Variants in BRMS1L observed in about 807,000 individuals in gnomAD.
BRMS1L encodes the protein breast cancer metastasis-suppressor 1-like protein.
Under a neutral mutation model 50.3 loss-of-function variants are expected in BRMS1L, and 23 were observed. That is an observed-to-expected ratio of 0.46 (90% CI 0.33 to 0.65). BRMS1L has a LOEUF of 0.65. Among genes scored for constraint, BRMS1L ranks in the 30% least tolerant of loss-of-function variants. BRMS1L has a pLI of 0.02. For missense variants in BRMS1L, 286 were observed against 386.1 expected (o/e 0.74, Z 2.17); for synonymous variants, 114 against 126.9 (o/e 0.90, Z 0.69).
intron 1 of BRMS1L, among the ~76,000 whole-genome samples, chr14:35,829,017 C>T (rs1348405433): frequency 3.3e-5 from 5 of 151,802 alleles, no homozygotes; most frequent in South Asian, 4.2e-4. Flanking sequence ...ACGATCTTGG[C>T]TCGCTGCAAC....
intron 3 of BRMS1L, among the ~76,000 whole-genome samples, chr14:35,834,086 G>T (rs1041143760): frequency 3.9e-5 from 6 of 152,142 alleles, no homozygotes; most frequent in Admixed American, 6.5e-5. Context: ...AGAGTAGTGT[G>T]TGTGAATGTG....
chr14:35,839,416 T>C (rs2078034015), intron 4 of BRMS1L, among the ~76,000 whole-genome samples: 1 of 152,196 alleles, frequency 6.6e-6, no homozygotes, highest in African/African-American at 2.4e-5. Flanking sequence ...AGAAAGTCAA[T>C]GGTAGCTTGA....
chr14:35,862,269 C>T (rs1566429136), intron 4 of BRMS1L, among the ~76,000 whole-genome samples: 1 of 151,900 alleles, frequency 6.6e-6, no homozygotes, highest in East Asian at 1.9e-4. Context: ...CAGATGGGAC[C>T]TACTTAAATT....
intron 9 of BRMS1L, among the ~76,000 whole-genome samples, chr14:35,869,583 C>A (rs1594353129): frequency 6.6e-6 from 1 of 152,064 alleles, no homozygotes; most frequent in East Asian, 1.9e-4. Context: ...TGCAGTGGCT[C>A]ACACCTGTAA....
chr14:35,827,917 G>A (rs757667593), intron 1 of BRMS1L, among the ~76,000 whole-genome samples: 9 of 152,220 alleles, frequency 5.9e-5, no homozygotes, highest in South Asian at 4.1e-4. Flanking sequence ...AAAGTACAAG[G>A]GCCAGAGTTT....
chr14:35,856,745 G>A (rs1354932502), intron 4 of BRMS1L, among the ~76,000 whole-genome samples: 1 of 151,918 alleles, frequency 6.6e-6, no homozygotes, highest in Non-Finnish European at 1.5e-5. Context: ...CTGAGTAGCT[G>A]GGATTACAGC....
intron 8 of BRMS1L, among the ~76,000 whole-genome samples, chr14:35,867,263 A>T (rs2078433819): frequency 6.6e-6 from 1 of 152,202 alleles, no homozygotes; most frequent in African/African-American, 2.4e-5. Context: ...ACTCTAAAAG[A>T]ACTGTGCAGT....
chr14:35,835,015 T>C (rs2077972537), intron 4 of BRMS1L, 92 bp downstream of exon 4: 1 of 734,562 alleles, frequency 1.4e-6, no homozygotes, highest in African/African-American at 1.8e-5. Flanking sequence ...AGTAAAACAA[T>C]ATTAAATAGT....
At chr14:35,826,750 A>G in intron 1 of BRMS1L, 92 bp downstream of exon 1, 1 of 1,534,828 alleles carries the variant, frequency 6.5e-7, no homozygotes, top group East Asian at 2.3e-5. Context: ...CTGCTGGGAA[A>G]GCGGGGCGGG....
At position 35,835,922 on chromosome 14, in the gene BRMS1L, G is replaced by A. The variant is rs1479407118; in HGVS notation, c.441+999G>A. Among the ~76,000 whole-genome samples the A allele has an allele frequency of 2.6e-5, 4 of 152,124 alleles. No homozygotes were observed. In the East Asian group the frequency reaches 7.7e-4, roughly 29 times the overall value. ...TGCAGATAACTTTTTATCAAATCTAGACAAGATTATAGATATACAGGTAGA... is the reference window on the plus strand; with the variant it reads ...TGCAGATAACTTTTTATCAAATCTAAACAAGATTATAGATATACAGGTAGA... On this transcript the variant is annotated intron_variant, in intron 4 of 9. Transcript: ENST00000216807.
At chr14:35,827,074 T>G (rs1420815667) in intron 1 of BRMS1L, among the ~76,000 whole-genome samples, 1 of 152,192 alleles carries the variant, frequency 6.6e-6, no homozygotes, top group Non-Finnish European at 1.5e-5. Context: ...GCTTAGTAAT[T>G]AACCTCAGTT....
chr14:35,868,931 AT>A, intron 9 of BRMS1L, among the ~76,000 whole-genome samples: 1 of 152,190 alleles, frequency 6.6e-6, no homozygotes, highest in Non-Finnish European at 1.5e-5. Context: ...TTTTGAAAAT[AT>A]TGTTAATCAT....
chr14:35,826,888 A>T, intron 1 of BRMS1L: 1 of 565,076 alleles, frequency 1.8e-6, no homozygotes, highest in Non-Finnish European at 2.9e-6. Context: ...CCAGCTCCCA[A>T]ACGCGGCGTG....
In BRMS1L at chr14:35,826,362, G is replaced by A; in HGVS notation, c.-155G>A. On this transcript the variant is annotated 5_prime_UTR_variant, in exon 1 of 10. Transcript: ENST00000216807. ...CAGAGCTCCCATCGCAGAGCCTGCG[G>A]GTTAGGTTGTGAGGCCCGGGCCGGG... is the stretch of plus-strand genomic sequence containing the variant. The A allele has an allele frequency of 8.9e-7, 1 of 1,126,282 alleles. No individual in the cohort carries two copies. Among genetic ancestry groups the A allele is most frequent in the Non-Finnish European group, 1.3e-6 (1 of 798,042 alleles). The allele number at this position is 1,126,282 out of a possible 1,614,324, so 69.8% of individuals were successfully genotyped here. A position where few individuals can be genotyped will look rare whatever the true frequency, so the allele number is the denominator to read the frequency against.
Position 35,833,015 on chromosome 14 carries a change from C to T in BRMS1L, c.271C>T (p.Leu91=). 6.2e-7 allele frequency: 1 copy of T among 1,613,136 alleles called. No homozygotes were observed. The highest frequency in any genetic ancestry group is 2.2e-5 in the East Asian group (1 of 44,806). ...KERLSQVDAK[L]QEVIAGKAPE... is the part of the protein sequence containing the mutation. The stretch of plus-strand genomic sequence containing the variant: ...ACGATTAAGTCAGGTGGATGCAAAA[C>T]TACAAGAAGTCATAGCTGGAAAAGC... Residue 91 remains leucine (L), a synonymous_variant, in exon 3 of 10, where the codon CTA becomes TTA. Transcript: ENST00000216807.
At chr14:35,870,089 G>C (rs1185469751) in intron 9 of BRMS1L, among the ~76,000 whole-genome samples, 1 of 150,888 alleles carries the variant, frequency 6.6e-6, no homozygotes, top group East Asian at 1.9e-4. Flanking sequence ...GGTGGGGTGG[G>C]GATGGAGTAG....
At chr14:35,842,075 T>G (rs2078073645) in intron 4 of BRMS1L, among the ~76,000 whole-genome samples, 1 of 152,016 alleles carries the variant, frequency 6.6e-6, no homozygotes, top group Non-Finnish European at 1.5e-5. Context: ...TATGTGTTTC[T>G]TTGCACGTGA....
At position 35,831,486 on chromosome 14, in the gene BRMS1L, C is replaced by T. The variant is rs1310342830; in HGVS notation, c.219C>T (p.Thr73=). 2 of 1,611,582 alleles carry T rather than the reference C, an allele frequency of 1.2e-6. No homozygotes were observed. Among genetic ancestry groups the T allele is most frequent in the Non-Finnish European group, 1.7e-6 (2 of 1,177,970 alleles). Reference sequence around the variant, plus strand: ...TGTCCAATCTTGAAAAACAGTTTACCGATCTCAAAGATCAGTAAGTAGTGA... The same window carrying T: ...TGTCCAATCTTGAAAAACAGTTTACTGATCTCAAAGATCAGTAAGTAGTGA... ...DEMSNLEKQF[T]DLKDQLYKER... The change falls in exon 2 of 10, where the codon ACC becomes ACT. Residue 73 remains threonine, a synonymous_variant. Coordinates refer to ENST00000216807, the MANE Select transcript of BRMS1L (RefSeq NM_032352.4).
chr14:35,853,992 G>A (rs888536900), intron 4 of BRMS1L, among the ~76,000 whole-genome samples: 2 of 151,996 alleles, frequency 1.3e-5, no homozygotes, highest in African/African-American at 2.4e-5. Flanking sequence ...TTACTATAAA[G>A]GACCTTAAAC....
Sources: allele counts gnomAD v4.1 joint callset (sites outside exome capture counted in the v4.1 genomes callset), GRCh38; gene constraint gnomAD v4.1.1; transcripts MANE v1.5; gene names NCBI Gene and HGNC (gene_info 2026-07-23, HGNC 2026-07-21).